The following ADGRL3 variants were observed in gnomAD, a reference collection of about 807,000 sequenced individuals.
ADGRL3 encodes the protein calcium-independent alpha-latrotoxin receptor 3.
In ADGRL3, 62 loss-of-function variants were observed where a neutral mutation model predicts 153.5. That is an observed-to-expected ratio of 0.40 (90% CI 0.33 to 0.50). ADGRL3 has a LOEUF of 0.50. ADGRL3 is among the 20% of genes least tolerant of loss of function. The pLI is 0.47. For missense variants in ADGRL3, 1,641 were observed against 1,859.4 expected (o/e 0.88, Z 2.16); for synonymous variants, 710 against 672.5 (o/e 1.06, Z -0.86).
At chr4:61,309,543 T>C (rs750276603) in intron 1 of ADGRL3, among the ~76,000 whole-genome samples, 7 of 152,098 alleles carry the variant, frequency 4.6e-5, no homozygotes, top group African/African-American at 1.7e-4. Flanking sequence ...ACTTTCCTAA[T>C]AAATTATCTA....
At chr4:61,494,551 G>A (rs2098292849) in intron 2 of ADGRL3, among the ~76,000 whole-genome samples, 1 of 152,134 alleles carries the variant, frequency 6.6e-6, no homozygotes. Context: ...TCTTTTCTGA[G>A]TTATACACTT....
At chr4:61,498,816 ATC>A (rs375752384) in intron 3 of ADGRL3, among the ~76,000 whole-genome samples, 111 of 152,246 alleles carry the variant, frequency 7.3e-4, no homozygotes, top group African/African-American at 2.6e-3. Context: ...TATTCACTGA[ATC>A]TCTCTCAAAC....
chr4:61,640,387 C>T (rs536241401), intron 5 of ADGRL3, among the ~76,000 whole-genome samples: 1 of 152,088 alleles, frequency 6.6e-6, no homozygotes, highest in Non-Finnish European at 1.5e-5. Flanking sequence ...TCATGTTGCC[C>T]CAAAGATCCC....
chr4:61,228,390 A>G (rs1282217588), intron 1 of ADGRL3, among the ~76,000 whole-genome samples: 1 of 152,186 alleles, frequency 6.6e-6, no homozygotes, highest in Non-Finnish European at 1.5e-5. Flanking sequence ...GATACATTCC[A>G]CATTTCCATG....
intron 5 of ADGRL3, among the ~76,000 whole-genome samples, chr4:61,641,420 A>C (rs1007361290): frequency 2.1e-5 from 3 of 144,828 alleles, no homozygotes; most frequent in South Asian, 2.4e-4. Context: ...ATATCTCCCA[A>C]TGCTATCCCT....
At chr4:61,893,099 CCT>C (rs1561427529) in intron 10 of ADGRL3, 141 bp downstream of exon 10, 143 of 391,964 alleles carry the variant, frequency 3.6e-4, no homozygotes, top group South Asian at 9.9e-4. Flanking sequence ...CTTTCTCCTT[CCT>C]TCCTTCCTTC....
At chr4:61,986,190 T>C (rs1039728127) in intron 19 of ADGRL3, among the ~76,000 whole-genome samples, 5 of 152,158 alleles carry the variant, frequency 3.3e-5, no homozygotes, top group Non-Finnish European at 7.4e-5. Context: ...TACATTTTTC[T>C]CAATGCATTT....
intron 21 of ADGRL3, among the ~76,000 whole-genome samples, chr4:62,014,838 A>T (rs988478410): frequency 1.3e-5 from 2 of 152,198 alleles, no homozygotes; most frequent in African/African-American, 4.8e-5. Flanking sequence ...CTAACGTGTC[A>T]CCATACTCCA....
chr4:61,428,765 A>T (rs1046803645), intron 2 of ADGRL3, among the ~76,000 whole-genome samples: 1 of 152,122 alleles, frequency 6.6e-6, no homozygotes, highest in Non-Finnish European at 1.5e-5. Flanking sequence ...TCTGTAACAT[A>T]GACCTATCTA....
intron 22 of ADGRL3, among the ~76,000 whole-genome samples, chr4:62,029,762 G>T (rs1720946663): frequency 6.8e-6 from 1 of 147,504 alleles, no homozygotes; most frequent in Non-Finnish European, 1.5e-5. Context: ...ATTAACCCTT[G>T]GGCCCATCAT....
At chr4:61,624,013 G>A (rs1367969506) in intron 5 of ADGRL3, among the ~76,000 whole-genome samples, 1 of 152,070 alleles carries the variant, frequency 6.6e-6, no homozygotes, top group African/African-American at 2.4e-5. Context: ...AGTACATGGG[G>A]GTGAATAAAG....
At chr4:61,986,726 A>T (rs2099086686) in intron 19 of ADGRL3, among the ~76,000 whole-genome samples, 1 of 152,228 alleles carries the variant, frequency 6.6e-6, no homozygotes, top group African/African-American at 2.4e-5. Flanking sequence ...TCATTATTTC[A>T]ATTATATCAC....
intron 1 of ADGRL3, among the ~76,000 whole-genome samples, chr4:61,232,908 T>C (rs1577928850): frequency 1.3e-5 from 2 of 152,168 alleles, no homozygotes; most frequent in African/African-American, 4.8e-5. Context: ...ATCAGGACTT[T>C]GACTTACCCA....
intron 16 of ADGRL3, 22 bp from the exon 17 acceptor site, chr4:61,948,078 A>T: frequency 5.7e-6 from 9 of 1,589,650 alleles, no homozygotes; most frequent in Non-Finnish European, 7.7e-6. Context: ...TGTTGATTTT[A>T]TGGATTTTTT....
At chr4:61,620,799 C>T (rs2092452135) in intron 5 of ADGRL3, among the ~76,000 whole-genome samples, 1 of 151,780 alleles carries the variant, frequency 6.6e-6, no homozygotes, top group East Asian at 1.9e-4. Context: ...CGCCACCATG[C>T]CCAACTAATT....
At chr4:61,687,307 G>A (rs980984955) in intron 6 of ADGRL3, among the ~76,000 whole-genome samples, 5 of 151,872 alleles carry the variant, frequency 3.3e-5, no homozygotes, top group Non-Finnish European at 7.4e-5. Flanking sequence ...GAGATGGGAG[G>A]TTATTCTGGA....
intron 6 of ADGRL3, among the ~76,000 whole-genome samples, chr4:61,728,840 T>C (rs980786685): frequency 6.6e-6 from 1 of 152,028 alleles, no homozygotes; most frequent in Admixed American, 6.6e-5. Context: ...GTTAAGGTGC[T>C]TAGTTGTCAG....
At chr4:61,346,254 C>T (rs918496122) in intron 1 of ADGRL3, among the ~76,000 whole-genome samples, 6 of 151,750 alleles carry the variant, frequency 4.0e-5, no homozygotes, top group South Asian at 2.1e-4. Context: ...CTCTCTCTCT[C>T]TCTCTCTTTC....
intron 5 of ADGRL3, among the ~76,000 whole-genome samples, chr4:61,605,493 C>A (rs780630773): frequency 1.6e-4 from 25 of 152,080 alleles, no homozygotes; most frequent in African/African-American, 4.8e-4. Context: ...AAGCATCTGG[C>A]AAACTCTAGT....
Sources: allele counts gnomAD v4.1 joint callset (sites outside exome capture counted in the v4.1 genomes callset), GRCh38; gene constraint gnomAD v4.1.1; transcripts MANE v1.5; gene names NCBI Gene and HGNC (gene_info 2026-07-23, HGNC 2026-07-21).